Variants in PRKCB observed in about 807,000 individuals in gnomAD.
The protein encoded by PRKCB is protein kinase C beta, also known as protein kinase C beta type.
A neutral mutation model predicts 81.5 loss-of-function variants in PRKCB; 13 were observed. The observed-to-expected ratio is 0.16, with a 90% CI of 0.10 to 0.25. The LOEUF is 0.25. Ranked by LOEUF, PRKCB falls within the 10% of genes least tolerant of loss-of-function variation. The pLI, the probability that PRKCB is intolerant of heterozygous loss-of-function variation, is 1.00. For missense variants in PRKCB, 509 were observed against 875.7 expected (o/e 0.58, Z 5.29); for synonymous variants, 335 against 321.4 (o/e 1.04, Z -0.45).
At chr16:24,058,012 G>C (rs2141875071) in intron 5 of PRKCB, among the ~76,000 whole-genome samples, 1 of 152,232 alleles carries the variant, frequency 6.6e-6, no homozygotes, top group Non-Finnish European at 1.5e-5. Flanking sequence ...TGCAGATTCT[G>C]CTTCCTTCAG....
In PRKCB at chr16:24,056,283, A is replaced by G. The variant is rs1314860055; in HGVS notation, c.529+20736A>G. On this transcript the variant is annotated intron_variant, in intron 5 of 16. Transcript: ENST00000643927. ...ATCAGACTGACCTGGGCTAATCACC[A>G]TCTCTGCCTGTCACTAGTTCAAGAG... is the stretch of plus-strand genomic sequence containing the variant. 2.6e-5 allele frequency among the ~76,000 whole-genome samples: 4 copies of G among 152,276 alleles called. No individual in the cohort carries two copies. The East Asian group carries it at 7.7e-4, about 29-fold the overall frequency.
intron 16 of PRKCB, among the ~76,000 whole-genome samples, chr16:24,205,612 G>T (rs1304786447): frequency 6.6e-6 from 1 of 152,144 alleles, no homozygotes; most frequent in African/African-American, 2.4e-5. Flanking sequence ...TAGAGCTTTT[G>T]GGGGGATTAA....
At chr16:23,942,497 C>T (rs1269288403) in intron 2 of PRKCB, among the ~76,000 whole-genome samples, 2 of 152,150 alleles carry the variant, frequency 1.3e-5, no homozygotes, top group Non-Finnish European at 2.9e-5. Context: ...TTGATGAGGG[C>T]ATTGAGAAGC....
intron 12 of PRKCB, among the ~76,000 whole-genome samples, chr16:24,175,522 T>G (rs1056390506): frequency 2.6e-5 from 4 of 151,896 alleles, no homozygotes; most frequent in Middle Eastern, 3.4e-3. Flanking sequence ...TGATAAGTAC[T>G]ATGGAGATAA....
rs879024374 is a variant in PRKCB, at chr16:24,218,281, A to G, written c.*3465A>G. ...GAGAGAGATGCACAGACAATATTAA[A>G]GAGGAGGCATTCGAGCTTTGTTGTG... On this transcript the variant is annotated 3_prime_UTR_variant, in exon 17 of 17. Coordinates refer to ENST00000643927, the MANE Select transcript of PRKCB (RefSeq NM_002738.7). The G allele has an allele frequency of 8.1e-6, 8 of 985,262 alleles. No homozygotes were observed. In the South Asian group the frequency reaches 3.3e-4, roughly 40 times the overall value. 61.0% of individuals were successfully genotyped at this position (985,262 alleles called of 1,614,324 possible).
At chr16:23,952,919 T>C (rs1220859374) in intron 2 of PRKCB, among the ~76,000 whole-genome samples, 1 of 151,470 alleles carries the variant, frequency 6.6e-6, no homozygotes, top group African/African-American at 2.4e-5. Context: ...GGTTTAGGAG[T>C]GAGTGCCGTG....
intron 2 of PRKCB, among the ~76,000 whole-genome samples, chr16:23,863,285 C>CACACAT (rs1555479535): frequency 7.5e-5 from 11 of 147,512 alleles, no homozygotes; most frequent in Non-Finnish European, 1.3e-4. Context: ...CACACACACA[C>CACACAT]GAATATTTTA....
intron 2 of PRKCB, among the ~76,000 whole-genome samples, chr16:23,978,684 G>T (rs1964655428): frequency 6.6e-6 from 1 of 152,156 alleles, no homozygotes; most frequent in African/African-American, 2.4e-5. Flanking sequence ...AGATGGTGGG[G>T]TATACTGTGG....
chr16:24,044,851 C>A (rs996627331), intron 5 of PRKCB, among the ~76,000 whole-genome samples: 2 of 152,128 alleles, frequency 1.3e-5, no homozygotes, highest in African/African-American at 4.8e-5. Context: ...GGTTAGGTTG[C>A]GTAAAAATAT....
At position 24,220,222 on chromosome 16, in the gene PRKCB, T is replaced by G; in HGVS notation, c.*5406T>G. The stretch of plus-strand genomic sequence containing the variant: ...GGTGCACATGCTGGCATTCAACATG[T>G]GGAAAGCTTGTCTTAGAGGGCTTTT... On this transcript the variant is annotated 3_prime_UTR_variant, in exon 17 of 17. Coordinates refer to ENST00000643927, the MANE Select transcript of PRKCB (RefSeq NM_002738.7). 13 of 1,371,186 alleles carry G rather than the reference T, an allele frequency of 9.5e-6. No homozygotes were observed. Among genetic ancestry groups the G allele is most frequent in the Non-Finnish European group, 1.2e-5 (12 of 999,708 alleles). 84.9% of individuals were successfully genotyped at this position (1,371,186 alleles called of 1,614,324 possible).
In PRKCB at chr16:24,110,295, T is replaced by G. The variant is rs367828363; in HGVS notation, c.822-2678T>G. Among the ~76,000 whole-genome samples, 4 of 151,388 alleles carry G rather than the reference T, an allele frequency of 2.6e-5. No individual in the cohort carries two copies. In the East Asian group the frequency reaches 7.8e-4, roughly 30 times the overall value. On this transcript the variant is annotated intron_variant, in intron 7 of 16. Coordinates refer to ENST00000643927, the MANE Select transcript of PRKCB (RefSeq NM_002738.7). ...GGAGCAATCTCGGTTCACTGCAACC[T>G]CTGCCTCCCGGGTTCAAGCGATTCT...
Position 24,014,269 on chromosome 16 carries a change from G to T in PRKCB, c.289-17867G>T, listed in dbSNP as rs1186024547. ...TAGTTGGCTTACGGCACTGCAGGGG[G>T]AGAGGGGTGGGGAGGGGAGGAGATG... On this transcript the variant is annotated intron_variant, in intron 3 of 16. Transcript: ENST00000643927. Among the ~76,000 whole-genome samples, 4 of 152,098 alleles carry T rather than the reference G, an allele frequency of 2.6e-5. No homozygotes were observed. In the East Asian group the frequency reaches 7.7e-4, roughly 29 times the overall value.
At chr16:23,916,292 C>G (rs986480115) in intron 2 of PRKCB, among the ~76,000 whole-genome samples, 1 of 148,914 alleles carries the variant, frequency 6.7e-6, no homozygotes, top group Non-Finnish European at 1.5e-5. Context: ...CTCCTGGCCA[C>G]AAACAAGCAG....
intron 2 of PRKCB, among the ~76,000 whole-genome samples, chr16:23,976,162 G>A (rs1964622691): frequency 1.3e-5 from 2 of 152,054 alleles, no homozygotes; most frequent in African/African-American, 4.8e-5. Flanking sequence ...AAAAAATTCA[G>A]GTGTAATGGT....
intron 3 of PRKCB, among the ~76,000 whole-genome samples, chr16:24,017,548 A>C (rs1355540641): frequency 1.3e-5 from 2 of 152,212 alleles, no homozygotes; most frequent in Admixed American, 1.3e-4. Flanking sequence ...CGTTGAAAAA[A>C]GAACATCGAC....
At chr16:24,144,145 G>C (rs1567390813) in intron 9 of PRKCB, among the ~76,000 whole-genome samples, 1 of 152,002 alleles carries the variant, frequency 6.6e-6, no homozygotes, top group Admixed American at 6.6e-5. Flanking sequence ...GAAAGAGAGA[G>C]AGAGAAAGAG....
At chr16:23,945,570 G>A (rs195998) in intron 2 of PRKCB, among the ~76,000 whole-genome samples, 7 of 152,110 alleles carry the variant, frequency 4.6e-5, no homozygotes, top group African/African-American at 1.7e-4. Context: ...CTTTGGGGTG[G>A]ATGGAGGTGC....
intron 16 of PRKCB, among the ~76,000 whole-genome samples, chr16:24,192,388 T>C (rs1326041281): frequency 6.6e-6 from 1 of 152,170 alleles, no homozygotes; most frequent in African/African-American, 2.4e-5. Flanking sequence ...TGTGTGTACA[T>C]TGGGGTCGAA....
At chr16:23,849,865 G>T (rs1962443416) in intron 2 of PRKCB, among the ~76,000 whole-genome samples, 1 of 152,030 alleles carries the variant, frequency 6.6e-6, no homozygotes, top group Non-Finnish European at 1.5e-5. Flanking sequence ...TTAGTTATTT[G>T]AAATATATGA....
Sources: allele counts gnomAD v4.1 joint callset (sites outside exome capture counted in the v4.1 genomes callset), GRCh38; gene constraint gnomAD v4.1.1; transcripts MANE v1.5; gene names NCBI Gene and HGNC (gene_info 2026-07-23, HGNC 2026-07-21).